Variants in CACNA1H observed in about 807,000 individuals in gnomAD.
CACNA1H encodes the protein calcium voltage-gated channel subunit alpha1 H, also known as voltage-dependent T-type calcium channel subunit alpha-1H.
Under a neutral mutation model 192.5 loss-of-function variants are expected in CACNA1H, and 149 were observed. The observed-to-expected ratio is 0.77, with a 90% confidence interval of 0.68 to 0.89. CACNA1H has a LOEUF of 0.89. Ranked by LOEUF, CACNA1H falls within the 40% of genes least tolerant of loss-of-function variation. The pLI, the probability that CACNA1H is intolerant of heterozygous loss-of-function variation, is 0.00. For synonymous variants in CACNA1H, 2,202 were observed against 1,475.2 expected, an observed-to-expected ratio of 1.49 and a Z score of -11.29; for missense variants, 4,257 against 3,423.5, an observed-to-expected ratio of 1.24 and a Z score of -6.08.
intron 2 of CACNA1H, among the ~76,000 whole-genome samples, chr16:1,181,394 G>T (rs1034769756): frequency 3.9e-5 from 6 of 152,240 alleles, no homozygotes; most frequent in African/African-American, 7.2e-5. Context: ...CTGAGCCAGC[G>T]CTTTGACGCC....
At chr16:1,183,944 G>A (rs781777837) in intron 2 of CACNA1H, among the ~76,000 whole-genome samples, 5 of 152,238 alleles carry the variant, frequency 3.3e-5, no homozygotes, top group Non-Finnish European at 4.4e-5. Context: ...CTGGAGCCGT[G>A]TCCATGCCGC....
In CACNA1H at chr16:1,154,041, C is replaced by T. The variant is rs1022859623; in HGVS notation, c.299+5C>T. 1.4e-5 allele frequency: 18 copies of T among 1,285,354 alleles called. No individual in the cohort carries two copies. Among genetic ancestry groups the T allele is most frequent in the Non-Finnish European group, 1.8e-5 (18 of 1,017,592 alleles). The allele number at this position is 1,285,354 out of a possible 1,614,324, so 79.6% of individuals were successfully genotyped here. ...CCTCCGGCTGGTCTGCAACCCATAT[C>T]CTTCCCGGCCGGCGGGGGGCGGGGG... On this transcript the variant is annotated splice_donor_5th_base_variant and intron_variant, in intron 2 of 34. Transcript: ENST00000348261.
chr16:1,157,998 C>A (rs1207745337), intron 2 of CACNA1H: 1 of 149,208 alleles, frequency 6.7e-6, no homozygotes, highest in Non-Finnish European at 1.5e-5. Context: ...GCCCGTGGCA[C>A]CCTTGCCCGT....
At chr16:1,198,972 G>A in intron 6 of CACNA1H, 198 bp downstream of exon 6, 1 of 544,180 alleles carries the variant, frequency 1.8e-6, no homozygotes, top group Middle Eastern at 4.8e-4. Context: ...CGCCCAGCTG[G>A]CAGTCACCGC....
intron 2 of CACNA1H, among the ~76,000 whole-genome samples, chr16:1,154,918 C>A (rs1271252927): frequency 6.6e-6 from 1 of 152,264 alleles, no homozygotes; most frequent in Non-Finnish European, 1.5e-5. Flanking sequence ...TGTGTCAGGG[C>A]CGGGTCTCCC....
intron 2 of CACNA1H, among the ~76,000 whole-genome samples, chr16:1,185,269 C>T (rs534011020): frequency 6.6e-6 from 1 of 152,344 alleles, no homozygotes; most frequent in Admixed American, 6.5e-5. Context: ...AACACCAGGG[C>T]TGTTTCCATC....
At chr16:1,185,436 G>A (rs905825181) in intron 2 of CACNA1H, among the ~76,000 whole-genome samples, 2 of 151,812 alleles carry the variant, frequency 1.3e-5, no homozygotes, top group African/African-American at 4.8e-5. Context: ...CTGGACTCCT[G>A]GACGGTGTCT....
Position 1,220,720 on chromosome 16 carries a change from T to C in CACNA1H, c.6788T>C (p.Val2263Ala), listed in dbSNP as rs1970418788. The C allele has an allele frequency of 6.2e-7, 1 of 1,611,696 alleles. No homozygotes were observed. Among genetic ancestry groups the C allele is most frequent in the South Asian group, 1.1e-5 (1 of 91,064 alleles). ...TCCTGCCGGGCTGAGCACCTGACCG[T>C]CCCCAGCTTTGCCTTTGAGCCGCTG... ...QASCRAEHLT[V>A]PSFAFEPLDL... is the part of the protein sequence containing the mutation. Residue 2263 changes from valine (V) to alanine (A), a missense_variant, in exon 35 of 35, where the codon GTC becomes GCC. Val to Ala is a moderately conservative substitution (Grantham distance 64). Coordinates refer to ENST00000348261, the MANE Select transcript of CACNA1H (RefSeq NM_021098.3).
chr16:1,154,130 G>A lies in CACNA1H; in HGVS notation c.299+94G>A, dbSNP rs188293742. 1.9e-3 allele frequency: 1,909 copies of A among 1,023,376 alleles called. 36 individuals are homozygous for A. The highest frequency in any genetic ancestry group is 5.3e-3 in the Admixed American group (117 of 22,224). 63.4% of individuals were successfully genotyped at this position (1,023,376 alleles called of 1,614,324 possible). On this transcript the variant is annotated intron_variant, in intron 2 of 34. Coordinates refer to ENST00000348261, the MANE Select transcript of CACNA1H (RefSeq NM_021098.3). ...ACTCCCTCGGCATGCGCCCCCGCGCGCCCCTGTTGGTGGGACCTGGCGTGG... is the reference window on the plus strand; with the variant it reads ...ACTCCCTCGGCATGCGCCCCCGCGCACCCCTGTTGGTGGGACCTGGCGTGG...
intron 1 of CACNA1H, 94 bp downstream of exon 1, chr16:1,153,564 G>T: frequency 2.7e-6 from 1 of 363,654 alleles, no homozygotes; most frequent in Non-Finnish European, 4.6e-6. Context: ...GCCGCTGGAG[G>T]GAGGGAGGGG....
intron 34 of CACNA1H, among the ~76,000 whole-genome samples, chr16:1,219,410 C>T (rs577633346): frequency 6.8e-4 from 103 of 151,890 alleles, no homozygotes; most frequent in African/African-American, 2.3e-3. Flanking sequence ...GGGCAGACAG[C>T]GGTTTCTCAG....
At chr16:1,209,835 C>T (rs1202367864) in intron 17 of CACNA1H, among the ~76,000 whole-genome samples, 200 bp from the exon 18 acceptor site, 1 of 152,222 alleles carries the variant, frequency 6.6e-6, no homozygotes, top group Non-Finnish European at 1.5e-5. Flanking sequence ...TCTGCCGTCA[C>T]CAGCGTAGGG....
rs558837787 is a variant in CACNA1H at position 1,220,358 on chromosome 16, C to T, written c.6426C>T (p.Gly2142=). 16 of 1,526,694 alleles carry T rather than the reference C, an allele frequency of 1.0e-5. No homozygotes were observed. The Admixed American group carries it at 1.9e-4, about 19-fold the overall frequency. The allele number at this position is 1,526,694 out of a possible 1,614,324, so 94.6% of individuals were successfully genotyped here. Residue 2142 remains glycine, a synonymous_variant, in exon 35 of 35, where the codon GGC becomes GGT. Transcript: ENST00000348261. The stretch of plus-strand genomic sequence containing the variant: ...GGCTCTACAGCGTGGATGCTCAGGG[C>T]TTCCTGGACAAGCCGGGCCGGGCAG... ...LRRLYSVDAQ[G]FLDKPGRADE...
At chr16:1,153,629 C>A (rs1596270052) in intron 1 of CACNA1H, 91 bp from the exon 2 acceptor site, 12 of 798,240 alleles carry the variant, frequency 1.5e-5, no homozygotes, top group South Asian at 6.4e-5. Flanking sequence ...AAAGACATCC[C>A]GGCGGCCGCG....
chr16:1,200,769 C>G lies in CACNA1H; in HGVS notation c.1173C>G (p.His391Gln). Residue 391 changes from histidine (H) to glutamine (Q), a missense_variant, in exon 8 of 35, where the codon CAC (histidine) becomes CAG (glutamine). His to Gln is a conservative substitution (Grantham distance 24). Transcript: ENST00000348261. The stretch of plus-strand genomic sequence containing the variant: ...TCATGTACTACGTCATGGACGCCCA[C>G]TCATTCTACAACTTCATCTATTTCA... ...VDIMYYVMDA[H>Q]SFYNFIYFIL... 3 of 1,555,182 alleles carry G rather than the reference C, an allele frequency of 1.9e-6. No homozygotes were observed. The highest frequency in any genetic ancestry group is 2.6e-6 in the Non-Finnish European group (3 of 1,149,182).
intron 5 of CACNA1H, among the ~76,000 whole-genome samples, chr16:1,197,486 C>T (rs1967121812): frequency 6.6e-6 from 1 of 152,238 alleles, no homozygotes. Flanking sequence ...TGGGGATCTG[C>T]TCCTGTCTCT....
intron 2 of CACNA1H, chr16:1,160,053 G>A (rs1467410488): frequency 6.6e-6 from 1 of 152,410 alleles, no homozygotes; most frequent in Non-Finnish European, 1.5e-5. Flanking sequence ...AAACACTCCG[G>A]GGATGGATCC....
At chr16:1,199,708 C>G (rs1034566359) in intron 6 of CACNA1H, among the ~76,000 whole-genome samples, 2 of 150,648 alleles carry the variant, frequency 1.3e-5, no homozygotes, top group African/African-American at 4.9e-5. Flanking sequence ...CCCCGAGTCT[C>G]CCCTCAGCCT....
chr16:1,213,143 C>G (rs1222153870), intron 26 of CACNA1H, among the ~76,000 whole-genome samples: 1 of 152,228 alleles, frequency 6.6e-6, no homozygotes, highest in Non-Finnish European at 1.5e-5. Flanking sequence ...GGTCTGGAGT[C>G]CGGCAGACCC....
Sources: allele counts gnomAD v4.1 joint callset (sites outside exome capture counted in the v4.1 genomes callset), GRCh38; gene constraint gnomAD v4.1.1; transcripts MANE v1.5; gene names NCBI Gene and HGNC (gene_info 2026-07-23, HGNC 2026-07-21).